The following DPP10 variants were observed in gnomAD, a reference collection of about 807,000 sequenced individuals.
DPP10 encodes the protein dipeptidyl peptidase like 10.
In DPP10, 33 loss-of-function variants were observed where a neutral mutation model predicts 120.9. The ratio of observed to expected loss-of-function variants is 0.27; its 90% CI spans 0.21 to 0.37. DPP10 has a LOEUF of 0.37. Ranked by LOEUF, DPP10 falls within the 10% of genes least tolerant of loss-of-function variation. The pLI, the probability that DPP10 is intolerant of heterozygous loss-of-function variation, is 1.00. For missense variants in DPP10, 816 were observed against 942.8 expected, an observed-to-expected ratio of 0.87 and a Z score of 1.76; for synonymous variants, 337 against 326.1, an observed-to-expected ratio of 1.03 and a Z score of -0.36.
intron 5 of DPP10, among the ~76,000 whole-genome samples, chr2:115,566,984 T>G (rs1446908731): frequency 6.6e-5 from 10 of 152,280 alleles, no homozygotes; most frequent in African/African-American, 2.2e-4. Flanking sequence ...TCCTCAGCCT[T>G]ATAAGAGACG....
chr2:114,809,616 TGA>T (rs1429564591), intron 1 of DPP10, among the ~76,000 whole-genome samples: 1 of 152,162 alleles, frequency 6.6e-6, no homozygotes, highest in African/African-American at 2.4e-5. Context: ...TTGGAACTTC[TGA>T]GAGGAAGCCA....
rs147531805 is a variant in DPP10 at position 115,839,115 on chromosome 2, T to C, written c.2183-1635T>C. ...ATAAGGGATCACATTACCTCTGTCA[T>C]TGACCTTATTAATTAGCATTTCTAG... is the stretch of plus-strand genomic sequence containing the variant. On this transcript the variant is annotated intron_variant, in intron 24 of 25. Transcript: ENST00000410059. Among the ~76,000 whole-genome samples the C allele has an allele frequency of 3.4e-3, 519 of 152,316 alleles. 3 individuals are homozygous for C. Among genetic ancestry groups the C allele is most frequent in the African/African-American group, 0.012 (483 of 41,558 alleles).
intron 5 of DPP10, among the ~76,000 whole-genome samples, chr2:115,618,810 C>G (rs1050059510): frequency 6.6e-6 from 1 of 151,918 alleles, no homozygotes; most frequent in African/African-American, 2.4e-5. Context: ...CCATCGATAG[C>G]GGGAGGAAGT....
At chr2:115,469,890 AAAAAAAAAAG>A (rs1460551603) in intron 3 of DPP10, among the ~76,000 whole-genome samples, 18 of 148,540 alleles carry the variant, frequency 1.2e-4, no homozygotes, top group Non-Finnish European at 2.1e-4. Context: ...AAGAGAAAAA[AAAAAAAAAAG>A]AAAAAAAAAA....
In DPP10 at chr2:114,888,193, G is replaced by A. The variant is rs926173987; in HGVS notation, c.61-421046G>A. ...AAAAGAAAATGAGTATCATAATAGC[G>A]CTGTATTAGAAGACACCAATGCCTG... On this transcript the variant is annotated intron_variant, in intron 1 of 25. Transcript: ENST00000410059. Among the ~76,000 whole-genome samples, 10 of 151,226 alleles carry A rather than the reference G, an allele frequency of 6.6e-5. 1 individual carries two copies. Among genetic ancestry groups the A allele is most frequent in the Admixed American group, 3.3e-4 (5 of 15,138 alleles).
chr2:114,594,511 A>C (rs1404762573), intron 1 of DPP10, among the ~76,000 whole-genome samples: 1 of 147,856 alleles, frequency 6.8e-6, no homozygotes, highest in Non-Finnish European at 1.5e-5. Context: ...TTATATATAC[A>C]CACACATATA....
At chr2:115,825,388 T>G (rs1260054873) in intron 21 of DPP10, among the ~76,000 whole-genome samples, 1 of 152,230 alleles carries the variant, frequency 6.6e-6, no homozygotes, top group African/African-American at 2.4e-5. Flanking sequence ...CACTTTTTAG[T>G]AGCTTCTTGT....
intron 1 of DPP10, among the ~76,000 whole-genome samples, chr2:114,794,200 A>C (rs1683489348): frequency 6.6e-6 from 1 of 152,126 alleles, no homozygotes; most frequent in Admixed American, 6.5e-5. Flanking sequence ...TGGTAATTAC[A>C]GTTTTTGTCT....
chr2:115,511,093 T>C (rs1283249968), intron 4 of DPP10, among the ~76,000 whole-genome samples: 3 of 152,166 alleles, frequency 2.0e-5, no homozygotes, highest in Non-Finnish European at 4.4e-5. Flanking sequence ...GGTTTTGATA[T>C]CAAGATAATA....
At chr2:115,079,823 A>G (rs1027925561) in intron 1 of DPP10, among the ~76,000 whole-genome samples, 3 of 152,184 alleles carry the variant, frequency 2.0e-5, no homozygotes, top group Non-Finnish European at 4.4e-5. Flanking sequence ...AAAAAAGGTC[A>G]ACAGAGAAAT....
intron 5 of DPP10, among the ~76,000 whole-genome samples, chr2:115,569,527 AAG>A (rs1233896501): frequency 1.3e-5 from 2 of 152,238 alleles, no homozygotes; most frequent in East Asian, 3.8e-4. Context: ...TCATTAATAA[AAG>A]AGTGTGCTGG....
intron 1 of DPP10, among the ~76,000 whole-genome samples, chr2:115,190,276 G>A (rs751929418): frequency 3.9e-5 from 6 of 152,040 alleles, no homozygotes; most frequent in Admixed American, 6.5e-5. Context: ...GGTACTCCTC[G>A]TGGAACTCCA....
chr2:115,045,851 C>T (rs1396803067), intron 1 of DPP10, among the ~76,000 whole-genome samples: 1 of 152,068 alleles, frequency 6.6e-6, no homozygotes, highest in Non-Finnish European at 1.5e-5. Flanking sequence ...TTCTATTTGG[C>T]CATGTTGCTC....
intron 1 of DPP10, among the ~76,000 whole-genome samples, chr2:114,615,898 A>T (rs145553167): frequency 6.6e-6 from 1 of 152,136 alleles, no homozygotes; most frequent in Non-Finnish European, 1.5e-5. Context: ...TTGCCATTAC[A>T]TTGGTGCTCA....
At chr2:114,925,410 C>T (rs1423593097) in intron 1 of DPP10, among the ~76,000 whole-genome samples, 1 of 152,178 alleles carries the variant, frequency 6.6e-6, no homozygotes, top group African/African-American at 2.4e-5. Context: ...AGGGGAGAAA[C>T]ATTCACTTTG....
intron 1 of DPP10, among the ~76,000 whole-genome samples, chr2:115,219,747 A>G (rs1280636247): frequency 6.6e-6 from 1 of 152,214 alleles, no homozygotes; most frequent in Non-Finnish European, 1.5e-5. Context: ...CAAAGGTTAA[A>G]AGACTAGCCA....
chr2:115,776,047 A>G (rs540081293), intron 13 of DPP10, among the ~76,000 whole-genome samples: 2 of 152,274 alleles, frequency 1.3e-5, no homozygotes, highest in East Asian at 3.9e-4. Context: ...ATAATTGATA[A>G]TGGAGCAGTA....
intron 1 of DPP10, among the ~76,000 whole-genome samples, chr2:114,981,905 T>C (rs986200009): frequency 1.3e-5 from 2 of 152,082 alleles, no homozygotes; most frequent in East Asian, 1.9e-4. Context: ...CCTTTCTTTT[T>C]ATTTTTGAGA....
At chr2:115,608,178 A>G (rs560703675) in intron 5 of DPP10, among the ~76,000 whole-genome samples, 5 of 152,198 alleles carry the variant, frequency 3.3e-5, no homozygotes, top group African/African-American at 1.2e-4. Context: ...ACTTGAGGTC[A>G]GGAGTTTAAG....
Sources: gnomAD v4.1 joint callset for allele counts (sites outside exome capture counted in the v4.1 genomes callset) on GRCh38, gnomAD v4.1.1 for gene constraint, MANE v1.5 for transcripts, NCBI Gene and HGNC (gene_info 2026-07-23, HGNC 2026-07-21) for gene names.